NLRC5: variants seen among roughly 807,000 people sequenced by gnomAD.
NLRC5 encodes the protein protein NLRC5.
A neutral mutation model predicts 206.9 loss-of-function variants in NLRC5; 114 were observed. That is an observed-to-expected ratio of 0.55 (90% CI 0.47 to 0.64). The LOEUF (loss-of-function observed/expected upper bound fraction) is 0.64. Among genes scored for constraint, NLRC5 ranks in the 30% least tolerant of loss-of-function variants. The probability of loss-of-function intolerance (pLI) is 0.00; values close to 1 mark genes in which losing one functional copy is unlikely to be tolerated. For missense variants in NLRC5, 2,008 were observed against 2,305.5 expected, an observed-to-expected ratio of 0.87 and a Z score of 2.64; for synonymous variants, 952 against 962.8, an observed-to-expected ratio of 0.99 and a Z score of 0.21.
intron 1 of NLRC5, among the ~76,000 whole-genome samples, chr16:56,998,602 A>G (rs1203386220): frequency 6.6e-6 from 1 of 152,184 alleles, no homozygotes; most frequent in Non-Finnish European, 1.5e-5. Context: ...TCAGTCCCAA[A>G]TCTAGGCAGC....
intron 1 of NLRC5, among the ~76,000 whole-genome samples, chr16:57,000,801 G>A (rs376189011): frequency 5.3e-5 from 8 of 152,268 alleles, no homozygotes; most frequent in South Asian, 2.1e-4. Context: ...ATTTGTGGGC[G>A]GGGGAGGAAA....
Position 57,082,761 on chromosome 16 carries a change from A to G in NLRC5, c.*233A>G, listed in dbSNP as rs956830603. ...GCATTACGTGGGATATGTGTGATCA[A>G]TTGGGGACATGCGACACACAATGAG... On this transcript the variant is annotated 3_prime_UTR_variant, in exon 49 of 49. Transcript: ENST00000688547. 2 of 434,454 alleles carry G rather than the reference A, an allele frequency of 4.6e-6. No homozygotes were observed. The highest frequency in any genetic ancestry group is 4.1e-6 in the Non-Finnish European group (1 of 243,540). 26.9% of individuals were successfully genotyped at this position (434,454 alleles called of 1,614,324 possible).
intron 4 of NLRC5, 29 bp downstream of exon 4, chr16:57,022,344 G>T (rs756930417): frequency 1.3e-6 from 2 of 1,594,924 alleles, no homozygotes; most frequent in East Asian, 2.3e-5. Context: ...GGGTGGGAAG[G>T]GGGTGGTGAG....
chr16:57,071,141 G>A (rs2067684630), intron 38 of NLRC5, among the ~76,000 whole-genome samples: 1 of 149,478 alleles, frequency 6.7e-6, no homozygotes. Flanking sequence ...TGGTTAATGG[G>A]GAAGTGTTGT....
At chr16:56,989,688 C>A (rs1316507409) in intron 1 of NLRC5, 71 bp downstream of exon 1, 1 of 152,466 alleles carries the variant, frequency 6.6e-6, no homozygotes, top group East Asian at 1.9e-4. Context: ...GATCGGGGTT[C>A]GAATTCTGCA....
intron 23 of NLRC5, among the ~76,000 whole-genome samples, chr16:57,049,423 G>T (rs1369412295): frequency 1.3e-5 from 2 of 152,148 alleles, no homozygotes; most frequent in African/African-American, 4.8e-5. Flanking sequence ...CAAATCATCT[G>T]CAGAGGAAGC....
chr16:57,013,860 A>G lies in NLRC5; in HGVS notation c.-127-3214A>G, dbSNP rs2059751777. 2 of 652,944 alleles carry G rather than the reference A, an allele frequency of 3.1e-6. 1 individual carries two copies. Among genetic ancestry groups the G allele is most frequent in the Middle Eastern group, 9.2e-4 (2 of 2,176 alleles). 40.4% of individuals were successfully genotyped at this position (652,944 alleles called of 1,614,324 possible). Reference sequence around the variant, plus strand: ...TCATCCGATACTTTCTTTTTCAAAAATGGCAAGCCACACTATTTTATGATA... The same window carrying G: ...TCATCCGATACTTTCTTTTTCAAAAGTGGCAAGCCACACTATTTTATGATA... On this transcript the variant is annotated intron_variant, in intron 1 of 48. Coordinates refer to ENST00000688547, the MANE Select transcript of NLRC5 (RefSeq NM_001384950.1).
chr16:57,063,129 TGA>T (rs1343411510), intron 32 of NLRC5, among the ~76,000 whole-genome samples: 42 of 106,670 alleles, frequency 3.9e-4, no homozygotes, highest in African/African-American at 1.0e-3. Context: ...TTTTTTTTTT[TGA>T]GACAGAGTCT....
Position 57,036,106 on chromosome 16 carries a change from A to T in NLRC5, c.2634A>T (p.Ser878=). 1 of 1,613,580 alleles carries T rather than the reference A, an allele frequency of 6.2e-7. No homozygotes were observed. The highest frequency in any genetic ancestry group is 1.3e-5 in the African/African-American group (1 of 75,018). Residue 878 remains serine, a synonymous_variant, in exon 14 of 49, where the codon TCA becomes TCT. Transcript: ENST00000688547. ...ATTGGGCCCCCCGTCTCAGCCTCTC[A>T]GGGAACCAGCTGGAAGATGAAGGCT... ...EGPHLEEVDL[S]GNQLEDEGCR... is the part of the protein sequence containing the mutation.
chr16:57,076,259 T>G (rs2068384875), intron 39 of NLRC5, among the ~76,000 whole-genome samples: 1 of 152,210 alleles, frequency 6.6e-6, no homozygotes, highest in Admixed American at 6.5e-5. Flanking sequence ...AAAAACAACA[T>G]GCAAACAAAT....
At chr16:57,081,406 A>T in intron 47 of NLRC5, 121 bp from the exon 48 acceptor site, 3 of 1,016,064 alleles carry the variant, frequency 3.0e-6, no homozygotes, top group Non-Finnish European at 4.5e-6. Flanking sequence ...GGGTTCCCTG[A>T]GAAGGTAGTG....
At chr16:57,004,871 C>T (rs2058722403) in intron 1 of NLRC5, among the ~76,000 whole-genome samples, 1 of 152,172 alleles carries the variant, frequency 6.6e-6, no homozygotes, top group Non-Finnish European at 1.5e-5. Context: ...AAACTCCCCT[C>T]GCACCTCCTC....
intron 32 of NLRC5, chr16:57,062,559 A>G (rs1478199355): frequency 6.2e-6 from 1 of 160,594 alleles, no homozygotes; most frequent in Non-Finnish European, 1.4e-5. Context: ...TGGCTTTCTC[A>G]TGATGTCATG....
In NLRC5 at chr16:57,036,177, A is replaced by G. The variant is rs771684789; in HGVS notation, c.2705A>G (p.Lys902Arg). The G allele has an allele frequency of 1.8e-5, 29 of 1,613,120 alleles. No individual in the cohort carries two copies. The South Asian group carries it at 2.1e-4, about 12-fold the overall frequency. The change falls in exon 14 of 49, where the codon AAG becomes AGG. Residue 902 changes from lysine to arginine, a missense_variant. Physicochemically the swap from Lys to Arg is conservative, Grantham distance 26. Coordinates refer to ENST00000688547, the MANE Select transcript of NLRC5 (RefSeq NM_001384950.1). ...GCATCCCAGCTGCACATCGCCAGGAAGCTGGAGTGAGTTGTCCACCCCACC... is the reference window on the plus strand; with the variant it reads ...GCATCCCAGCTGCACATCGCCAGGAGGCTGGAGTGAGTTGTCCACCCCACC... ...EAASQLHIAR[K>R]LDLSNNGLSV...
chr16:57,076,312 T>C (rs184168597), intron 39 of NLRC5, among the ~76,000 whole-genome samples: 153 of 152,366 alleles, frequency 1.0e-3, no homozygotes, highest in Non-Finnish European at 1.8e-3. Flanking sequence ...CTATTTATTG[T>C]TTTTTCCTAC....
Position 57,081,554 on chromosome 16 carries a change from G to A in NLRC5, c.5433G>A (p.Leu1811=), listed in dbSNP as rs868597087. 1 of 1,613,980 alleles carries A rather than the reference G, an allele frequency of 6.2e-7. No individual in the cohort carries two copies. The highest frequency in any genetic ancestry group is 8.5e-7 in the Non-Finnish European group (1 of 1,179,968). Residue 1811 remains leucine (L), a synonymous_variant, in exon 48 of 49, where the codon TTG becomes TTA. Transcript: ENST00000688547. ...VDLEKNQITA[L]GAWLLAEGLA... ...TGGAGAAGAATCAGATCACAGCTTT[G>A]GGGGCCTGGCTCCTGGCTGAAGGAC... is the stretch of plus-strand genomic sequence containing the variant.
intron 11 of NLRC5, among the ~76,000 whole-genome samples, chr16:57,032,722 A>G (rs2143018453): frequency 6.6e-6 from 1 of 151,508 alleles, no homozygotes; most frequent in Non-Finnish European, 1.5e-5. Flanking sequence ...ACAGGCTGGC[A>G]TGGTGGCTCA....
Position 57,039,807 on chromosome 16 carries a change from T to A in NLRC5, c.2828T>A (p.Met943Lys), listed in dbSNP as rs758079755. Residue 943 changes from methionine to lysine, a missense_variant, in exon 16 of 49, where the codon ATG (methionine) becomes AAG (lysine). Coordinates refer to ENST00000688547, the MANE Select transcript of NLRC5 (RefSeq NM_001384950.1). ...ISLQHKTVIF[M>K]FAQEPEEQKG... ...CTGCAGCACAAAACTGTGATCTTCATGTTTGCCCAGGAGCCAGAGGAGCAG... is the reference window on the plus strand; with the variant it reads ...CTGCAGCACAAAACTGTGATCTTCAAGTTTGCCCAGGAGCCAGAGGAGCAG... 25 of 1,614,060 alleles carry A rather than the reference T, an allele frequency of 1.5e-5. No individual in the cohort carries two copies. The East Asian group carries it at 5.3e-4, about 35-fold the overall frequency.
chr16:57,054,957 G>T (rs1464347841), intron 25 of NLRC5, 75 bp from the exon 26 acceptor site: 4 of 1,597,418 alleles, frequency 2.5e-6, no homozygotes, highest in Admixed American at 1.7e-5. Context: ...GGCTTCCGGA[G>T]GAGGGGTGCT....
Sources: gnomAD v4.1 joint callset for allele counts (sites outside exome capture counted in the v4.1 genomes callset) on GRCh38, gnomAD v4.1.1 for gene constraint, MANE v1.5 for transcripts, NCBI Gene and HGNC (gene_info 2026-07-23, HGNC 2026-07-21) for gene names.